The following RCAN1 variants were observed in gnomAD, a reference collection of about 807,000 sequenced individuals.
RCAN1 encodes calcipressin-1.
A neutral mutation model predicts 22.9 loss-of-function variants in RCAN1; 11 were observed. The ratio of observed to expected loss-of-function variants is 0.48; its 90% CI spans 0.30 to 0.79. RCAN1 has a LOEUF of 0.79. Ranked by LOEUF, RCAN1 falls within the 30% of genes least tolerant of loss-of-function variation. The pLI is 0.06. For synonymous variants in RCAN1, 136 were observed against 142.3 expected (o/e 0.96, Z 0.32); for missense variants, 291 against 337.8 (o/e 0.86, Z 1.09).
At position 34,536,288 on chromosome 21, in the gene RCAN1, T is replaced by C. The variant is rs1007177517; in HGVS notation, c.253-12578A>G. ...CCCTAATTAATTACCCTTTATTTGT[T>C]CTCTCTTTCCAGAGCCACCTTGCTT... On this transcript the variant is annotated intron_variant, in intron 1 of 3. Coordinates refer to ENST00000313806, the MANE Select transcript of RCAN1 (RefSeq NM_004414.7). Among the ~76,000 whole-genome samples, 12 of 152,346 alleles carry C rather than the reference T, an allele frequency of 7.9e-5. No individual in the cohort carries two copies. The East Asian group carries it at 2.3e-3, about 29-fold the overall frequency.
chr21:34,549,667 G>C (rs1386278156), intron 1 of RCAN1, among the ~76,000 whole-genome samples: 1 of 152,224 alleles, frequency 6.6e-6, no homozygotes, highest in Non-Finnish European at 1.5e-5. Flanking sequence ...TACAGCAGCT[G>C]TCTCCAAGAT....
At chr21:34,604,510 A>C (rs1402074480) in intron 1 of RCAN1, among the ~76,000 whole-genome samples, 1 of 152,232 alleles carries the variant, frequency 6.6e-6, no homozygotes, top group African/African-American at 2.4e-5. Flanking sequence ...GACCAATTAA[A>C]GACACAAAGT....
Position 34,517,812 on chromosome 21 carries a change from T to C in RCAN1, c.*272A>G, listed in dbSNP as rs909899593. The C allele has an allele frequency of 2.8e-5, 13 of 471,348 alleles. No homozygotes were observed. The highest frequency in any genetic ancestry group is 1.1e-4 in the Admixed American group (3 of 27,276). 29.2% of individuals were successfully genotyped at this position (471,348 alleles called of 1,614,324 possible). On this transcript the variant is annotated 3_prime_UTR_variant, in exon 4 of 4. Coordinates refer to ENST00000313806, the MANE Select transcript of RCAN1 (RefSeq NM_004414.7). ...GAACAAGTACAAAACACTATCATTATCTGTTTTCTCAAGACAGTCCCAAAT... is the reference window on the plus strand; with the variant it reads ...GAACAAGTACAAAACACTATCATTACCTGTTTTCTCAAGACAGTCCCAAAT...
At chr21:34,600,278 T>C (rs1236891315) in intron 1 of RCAN1, among the ~76,000 whole-genome samples, 3 of 152,184 alleles carry the variant, frequency 2.0e-5, no homozygotes, top group Admixed American at 1.3e-4. Context: ...CATATTCTAA[T>C]GGAAACCAGG....
At chr21:34,529,492 AAG>A (rs1212749771) in intron 1 of RCAN1, among the ~76,000 whole-genome samples, 1 of 152,310 alleles carries the variant, frequency 6.6e-6, no homozygotes, top group South Asian at 2.1e-4. Context: ...AATTCTTGCT[AAG>A]AGAGTCTGTC....
intron 1 of RCAN1, among the ~76,000 whole-genome samples, chr21:34,563,735 C>G (rs1432252270): frequency 7.6e-6 from 1 of 131,364 alleles, no homozygotes; most frequent in Admixed American, 8.4e-5. Flanking sequence ...ATGGTGAAAC[C>G]CATCTCTACT....
At chr21:34,592,265 C>G (rs1987997646) in intron 1 of RCAN1, among the ~76,000 whole-genome samples, 3 of 152,232 alleles carry the variant, frequency 2.0e-5, no homozygotes, top group African/African-American at 7.2e-5. Flanking sequence ...CTGCCCTGGT[C>G]TGCGTGCAAT....
chr21:34,613,260 CTTA>C (rs2123741746), intron 1 of RCAN1, among the ~76,000 whole-genome samples: 1 of 152,288 alleles, frequency 6.6e-6, no homozygotes, highest in South Asian at 2.1e-4. Flanking sequence ...CCCTCCAAGT[CTTA>C]TTTTTTCCTA....
At chr21:34,519,679 G>C (rs897806755) in intron 3 of RCAN1, among the ~76,000 whole-genome samples, 1 of 152,020 alleles carries the variant, frequency 6.6e-6, no homozygotes, top group African/African-American at 2.4e-5. Context: ...TTACAGGCAT[G>C]AGCCACCGCG....
intron 1 of RCAN1, among the ~76,000 whole-genome samples, chr21:34,583,325 G>A (rs1488902662): frequency 6.6e-6 from 1 of 152,028 alleles, no homozygotes; most frequent in Non-Finnish European, 1.5e-5. Context: ...TTACAGTTAG[G>A]TGCCACCATG....
intron 1 of RCAN1, among the ~76,000 whole-genome samples, chr21:34,571,935 C>CA (rs1289338050): frequency 2.6e-5 from 4 of 152,188 alleles, no homozygotes; most frequent in African/African-American, 9.7e-5. Context: ...GCATGCCTAT[C>CA]AAAGACCTAA....
intron 3 of RCAN1, among the ~76,000 whole-genome samples, chr21:34,519,026 C>A (rs1984266889): frequency 6.6e-6 from 1 of 152,222 alleles, no homozygotes; most frequent in African/African-American, 2.4e-5. Context: ...ATGAAGGCAG[C>A]TCTGAGCCTG....
rs566966600 is a variant in RCAN1 at position 34,546,598 on chromosome 21, C to T, written c.253-22888G>A. ...AATCGCTGTCGCTTAAAAGCAACACCGTCTTAGCAGTTTAAAGACAGACAC... is the reference window on the plus strand; with the variant it reads ...AATCGCTGTCGCTTAAAAGCAACACTGTCTTAGCAGTTTAAAGACAGACAC... On this transcript the variant is annotated intron_variant, in intron 1 of 3. Coordinates refer to ENST00000313806, the MANE Select transcript of RCAN1 (RefSeq NM_004414.7). Among the ~76,000 whole-genome samples the T allele has an allele frequency of 7.9e-5, 12 of 152,240 alleles. No homozygotes were observed. The South Asian group carries it at 1.0e-3, about 13-fold the overall frequency.
chr21:34,548,843 T>A (rs976880137), intron 1 of RCAN1, among the ~76,000 whole-genome samples: 5 of 152,192 alleles, frequency 3.3e-5, no homozygotes, highest in African/African-American at 1.2e-4. Context: ...TTCTTCTAAG[T>A]TCTATTGTAA....
intron 1 of RCAN1, among the ~76,000 whole-genome samples, chr21:34,611,453 G>A (rs971180505): frequency 6.6e-6 from 1 of 152,202 alleles, no homozygotes; most frequent in African/African-American, 2.4e-5. Flanking sequence ...AGCAATTATA[G>A]TTACAAAACA....
chr21:34,584,706 T>C (rs1213608907), intron 1 of RCAN1, among the ~76,000 whole-genome samples: 1 of 152,182 alleles, frequency 6.6e-6, no homozygotes, highest in Non-Finnish European at 1.5e-5. Flanking sequence ...AGGTAAAAAC[T>C]GAAAAGATAA....
chr21:34,574,245 T>C (rs1240952453), intron 1 of RCAN1, among the ~76,000 whole-genome samples: 2 of 152,256 alleles, frequency 1.3e-5, no homozygotes, highest in Admixed American at 6.5e-5. Flanking sequence ...AATTGGACAC[T>C]ATAAGCCAAT....
intron 1 of RCAN1, among the ~76,000 whole-genome samples, chr21:34,591,002 C>T (rs967872091): frequency 1.3e-5 from 2 of 152,162 alleles, no homozygotes; most frequent in African/African-American, 4.8e-5. Flanking sequence ...GATCCGTGCA[C>T]AGCGAGGCCT....
At chr21:34,553,058 T>C (rs1339235947) in intron 1 of RCAN1, among the ~76,000 whole-genome samples, 2 of 152,176 alleles carry the variant, frequency 1.3e-5, no homozygotes, top group African/African-American at 2.4e-5. Context: ...TTCTAGACCA[T>C]AAATGGCAGA....
Sources: allele counts gnomAD v4.1 joint callset (sites outside exome capture counted in the v4.1 genomes callset), GRCh38; gene constraint gnomAD v4.1.1; transcripts MANE v1.5; gene names NCBI Gene and HGNC (gene_info 2026-07-23, HGNC 2026-07-21).